DNAJC17: variants seen among roughly 807,000 people sequenced by gnomAD.
DNAJC17 encodes dnaJ homolog subfamily C member 17.
A neutral mutation model predicts 48.1 loss-of-function variants in DNAJC17; 35 were observed. The ratio of observed to expected loss-of-function variants is 0.73; its 90% CI spans 0.56 to 0.96. The LOEUF is 0.96. Ranked by LOEUF, DNAJC17 falls within the 50% of genes least tolerant of loss-of-function variation. The pLI, the probability that DNAJC17 is intolerant of heterozygous loss-of-function variation, is 0.00. For missense variants in DNAJC17, 355 were observed against 377.1 expected (o/e 0.94, Z 0.48); for synonymous variants, 117 against 142.7 (o/e 0.82, Z 1.28).
At position 40,768,069 on chromosome 15, in the gene DNAJC17, G is replaced by C. The variant is rs764820194; in HGVS notation, c.793-7C>G. On this transcript the variant is annotated splice_polypyrimidine_tract_variant and splice_region_variant and intron_variant, in intron 10 of 10. Coordinates refer to ENST00000220496, the MANE Select transcript of DNAJC17 (RefSeq NM_018163.3). ...TCTCTGACAGCACTGAGCCCTGTCGGACAGGGCAGGGACAGGGAGGGGTCA... is the reference window on the plus strand; with the variant it reads ...TCTCTGACAGCACTGAGCCCTGTCGCACAGGGCAGGGACAGGGAGGGGTCA... 4 of 1,551,548 alleles carry C rather than the reference G, an allele frequency of 2.6e-6. No homozygotes were observed. The highest frequency in any genetic ancestry group is 2.6e-6 in the Non-Finnish European group (3 of 1,152,386).
In DNAJC17 at chr15:40,779,970, G is replaced by A. The variant is rs929683794; in HGVS notation, c.106C>T (p.Leu36Phe). Residue 36 changes from leucine (L) to phenylalanine (F), a missense_variant, in exon 2 of 11, where the codon CTC becomes TTC. Around this residue, in one of 3 missense-constraint regions of DNAJC17, gnomAD observed 199 missense variants for 199.9 expected, o/e 1.00. Transcript: ENST00000220496. ...EVKKAYRQKA[L>F]SCHPDKNPDN... Reference sequence around the variant, plus strand: ...GGATTTTTGTCTGGGTGGCAGGAGAGGGCCTTCTGCCTATACGCCTTCTTT... The same window carrying A: ...GGATTTTTGTCTGGGTGGCAGGAGAAGGCCTTCTGCCTATACGCCTTCTTT... 5 of 1,614,008 alleles carry A rather than the reference G, an allele frequency of 3.1e-6. No homozygotes were observed. The African/African-American group carries it at 5.3e-5, about 17-fold the overall frequency.
intron 10 of DNAJC17, 107 bp downstream of exon 10, chr15:40,773,620 A>G (rs1169150028): frequency 2.4e-6 from 2 of 845,170 alleles, no homozygotes; most frequent in Non-Finnish European, 3.6e-6. Flanking sequence ...TGCCAAGCTC[A>G]CTCTAGGCCC....
intron 1 of DNAJC17, among the ~76,000 whole-genome samples, chr15:40,781,082 CA>C (rs1200109778): frequency 7.1e-6 from 1 of 141,428 alleles, no homozygotes; most frequent in African/African-American, 2.7e-5. Flanking sequence ...ATGCAGGAGG[CA>C]GAGGTTGCAG....
rs776591301 is a variant in DNAJC17 at position 40,767,193 on chromosome 15, C to T, written c.*747G>A. 2.7e-6 allele frequency: 4 copies of T among 1,460,216 alleles called. No individual in the cohort carries two copies. The highest frequency in any genetic ancestry group is 3.6e-6 in the Non-Finnish European group (4 of 1,103,826). 90.5% of individuals were successfully genotyped at this position (1,460,216 alleles called of 1,614,324 possible). ...TTGTACCAGGAGCTTGCTGTGTGCC[C>T]CTCCTCACCCCCCCCATCCTGTCTC... On this transcript the variant is annotated 3_prime_UTR_variant, in exon 11 of 11. Coordinates refer to ENST00000220496, the MANE Select transcript of DNAJC17 (RefSeq NM_018163.3).
At chr15:40,774,690 A>T (rs192719522) in intron 8 of DNAJC17, among the ~76,000 whole-genome samples, 1 of 152,376 alleles carries the variant, frequency 6.6e-6, no homozygotes, top group East Asian at 1.9e-4. Flanking sequence ...TTCATTGCAT[A>T]GCGTCCTTGC....
At chr15:40,780,577 GCTGAGGTGGACAGATCAC>G (rs1414172605) in intron 1 of DNAJC17, 5 of 357,016 alleles carry the variant, frequency 1.4e-5, no homozygotes, top group African/African-American at 1.1e-4. Context: ...ACTTTGGGAG[GCTGAGGTGGACAGATCAC>G]CTGAGGTCAG....
chr15:40,774,443 G>A lies in DNAJC17; in HGVS notation c.601-7C>T. 1.2e-6 allele frequency: 2 copies of A among 1,613,870 alleles called. No individual in the cohort carries two copies. Among genetic ancestry groups the A allele is most frequent in the Non-Finnish European group, 1.7e-6 (2 of 1,179,990 alleles). On this transcript the variant is annotated splice_region_variant and splice_polypyrimidine_tract_variant and intron_variant, in intron 8 of 10. Coordinates refer to ENST00000220496, the MANE Select transcript of DNAJC17 (RefSeq NM_018163.3). ...GGTTGAGAACCTCACCATACTGTGG[G>A]GACAAAGGGGTCCTAATAAGCATGA... is the stretch of plus-strand genomic sequence containing the variant.
rs1456863097 is a variant in DNAJC17, at chr15:40,774,223, G to GAGCCTT, written c.681+127_681+132dup. On this transcript the variant is annotated intron_variant, in intron 9 of 10. Transcript: ENST00000220496. ...TCCAGGAGTCAGGGGCCCCTGGGAAGAGCCTTGGCTCTAAGCTGGCCTGGA... is the reference window on the plus strand; with the variant it reads ...TCCAGGAGTCAGGGGCCCCTGGGAAGAGCCTTAGCCTTGGCTCTAAGCTGGCCTGGA... The GAGCCTT allele has an allele frequency of 7.8e-6, 8 of 1,021,330 alleles. No homozygotes were observed. In the Admixed American group the frequency reaches 1.3e-4, roughly 17 times the overall value. 63.3% of individuals were successfully genotyped at this position (1,021,330 alleles called of 1,614,324 possible). A position where few individuals can be genotyped will look rare whatever the true frequency, so the allele number is the denominator to read the frequency against.
rs544911574 is a variant in DNAJC17 at position 40,770,337 on chromosome 15, T to C, written c.793-2275A>G. On this transcript the variant is annotated intron_variant, in intron 10 of 10. Coordinates refer to ENST00000220496, the MANE Select transcript of DNAJC17 (RefSeq NM_018163.3). This position sits in a 1 kb window ranked among gnomAD's most constrained non-coding sequence, Gnocchi z 5.0. ...AGTTCCTTCTTCCTGAGCCCTCCTC[T>C]CACCATCCAAGATGTGGTCAAAGGT... 1.2e-3 allele frequency: 852 copies of C among 709,716 alleles called. 13 individuals carry two copies. The South Asian group carries it at 0.016, about 13-fold the overall frequency. 44.0% of individuals were successfully genotyped at this position (709,716 alleles called of 1,614,324 possible). A position where few individuals can be genotyped will look rare whatever the true frequency, so the allele number is the denominator to read the frequency against.
rs1889411383 is a variant in DNAJC17, at chr15:40,779,226, G to C, written c.292C>G (p.Leu98Val). The C allele has an allele frequency of 6.2e-7, 1 of 1,613,954 alleles. No homozygotes were observed. Among genetic ancestry groups the C allele is most frequent in the African/African-American group, 1.3e-5 (1 of 74,910 alleles). The change falls in exon 4 of 11, where the codon CTT (leucine) becomes GTT (valine). Residue 98 changes from leucine to valine, a missense_variant. This residue lies in a region of DNAJC17 where 199 missense variants were observed against 199.9 expected (regional missense o/e 1.00). Coordinates refer to ENST00000220496, the MANE Select transcript of DNAJC17 (RefSeq NM_018163.3). ...CGAGCACTATGATGGCACCTACCAA[G>C]CTTCACTTTCTTCCTTTTCTCATCA... ...KLDEKRKKVK[L>V]DLEARERQAQ...
chr15:40,793,497 A>AT (rs1250253104), intron 1 of DNAJC17, among the ~76,000 whole-genome samples: 1 of 152,010 alleles, frequency 6.6e-6, no homozygotes, highest in Non-Finnish European at 1.5e-5. Flanking sequence ...GTGATCCTCA[A>AT]TTTTGTTCTA....
At chr15:40,807,261 C>T (rs1439432577) in intron 1 of DNAJC17, 108 bp downstream of exon 1, 6 of 1,598,804 alleles carry the variant, frequency 3.8e-6, no homozygotes, top group South Asian at 2.2e-5. Flanking sequence ...CGCTCCCCGC[C>T]CAGGACCCGA....
At chr15:40,796,477 C>T (rs1889943057) in intron 1 of DNAJC17, among the ~76,000 whole-genome samples, 1 of 151,982 alleles carries the variant, frequency 6.6e-6, no homozygotes, top group African/African-American at 2.4e-5. Context: ...AATTTTCTAG[C>T]AGAAGGATTA....
chr15:40,779,995 T>C lies in DNAJC17; in HGVS notation c.81A>G (p.Val27=), dbSNP rs758592285. 6.2e-7 allele frequency: 1 copy of C among 1,613,996 alleles called. No individual in the cohort carries two copies. Among genetic ancestry groups the C allele is most frequent in the East Asian group, 2.2e-5 (1 of 44,888 alleles). ...GIEEKAADKE[V]KKAYRQKALS... ...GGGCCTTCTGCCTATACGCCTTCTTTACCTGGAAGAGTCAGACAGAAGACA... is the reference window on the plus strand; with the variant it reads ...GGGCCTTCTGCCTATACGCCTTCTTCACCTGGAAGAGTCAGACAGAAGACA... Residue 27 remains valine (V), a splice_region_variant and synonymous_variant, in exon 2 of 11, where the codon GTA becomes GTG. Transcript: ENST00000220496.
intron 8 of DNAJC17, 33 bp from the exon 9 acceptor site, chr15:40,774,469 C>T (rs1291099371): frequency 6.2e-7 from 1 of 1,612,834 alleles, no homozygotes; most frequent in East Asian, 2.2e-5. Flanking sequence ...ATAAGCATGA[C>T]TTGGCCTTCA....
At position 40,767,674 on chromosome 15, in the gene DNAJC17, A is replaced by G. The variant is rs1888982325; in HGVS notation, c.*266T>C. On this transcript the variant is annotated 3_prime_UTR_variant, in exon 11 of 11. Transcript: ENST00000220496. ...CGGCCCTGGCGCGTGGCTCCTGCAT[A>G]GCTAGCCCAAGCCAATAAAGGGCTG... The G allele has an allele frequency of 5.0e-6, 3 of 598,994 alleles. No individual in the cohort carries two copies. Among genetic ancestry groups the G allele is most frequent in the Non-Finnish European group, 8.4e-6 (3 of 356,852 alleles). 37.1% of individuals were successfully genotyped at this position (598,994 alleles called of 1,614,324 possible). A position where few individuals can be genotyped will look rare whatever the true frequency, so the allele number is the denominator to read the frequency against.
intron 10 of DNAJC17, 101 bp from the exon 11 acceptor site, chr15:40,768,163 C>T: frequency 2.9e-6 from 4 of 1,380,380 alleles, no homozygotes; most frequent in Non-Finnish European, 3.8e-6. Flanking sequence ...CTAAGAGTCT[C>T]GGAGGGAGGA....
chr15:40,770,548 T>A lies in DNAJC17; in HGVS notation c.793-2486A>T. 6.4e-7 allele frequency: 1 copy of A among 1,550,702 alleles called. No homozygotes were observed. The highest frequency in any genetic ancestry group is 8.7e-7 in the Non-Finnish European group (1 of 1,146,982). ...CGCAACGCCTCCTTCTTCAAGCAGCTGAGCCTGGGGCGGCCACGGCGGCTC... is the reference window on the plus strand; with the variant it reads ...CGCAACGCCTCCTTCTTCAAGCAGCAGAGCCTGGGGCGGCCACGGCGGCTC... On this transcript the variant is annotated intron_variant, in intron 10 of 10. Coordinates refer to ENST00000220496, the MANE Select transcript of DNAJC17 (RefSeq NM_018163.3). This position sits in a 1 kb window ranked among gnomAD's most constrained non-coding sequence, Gnocchi z 5.0.
intron 8 of DNAJC17, 97 bp downstream of exon 8, chr15:40,774,934 T>C (rs1416631000): frequency 2.4e-6 from 3 of 1,272,792 alleles, no homozygotes; most frequent in Non-Finnish European, 3.4e-6. Flanking sequence ...CAAGTAGATA[T>C]GTTAAGGGAA....
Sources: allele counts gnomAD v4.1 joint callset (sites outside exome capture counted in the v4.1 genomes callset), GRCh38; gene constraint gnomAD v4.1.1; regional missense constraint gnomAD v4.1.1; non-coding constraint Gnocchi (gnomAD v3.1); transcripts MANE v1.5; gene names NCBI Gene and HGNC (gene_info 2026-07-23, HGNC 2026-07-21).